Variants in TCEA1 observed in about 807,000 individuals in gnomAD.
The protein encoded by TCEA1 is transcription elongation factor A1, also known as transcription elongation factor A protein 1.
TCEA1 carries 21 observed loss-of-function variants against 43.8 expected under a neutral mutation model. The ratio of observed to expected loss-of-function variants is 0.48; its 90% CI spans 0.34 to 0.69. TCEA1 has a LOEUF of 0.69. TCEA1 is among the 30% of genes least tolerant of loss of function. The pLI is 0.01. For synonymous variants in TCEA1, 104 were observed against 117.5 expected, an observed-to-expected ratio of 0.88 and a Z score of 0.75; for missense variants, 250 against 365.1, an observed-to-expected ratio of 0.68 and a Z score of 2.57.
chr8:53,972,947 A>G (rs938473607), intron 8 of TCEA1: 3 of 661,870 alleles, frequency 4.5e-6, no homozygotes, highest in Non-Finnish European at 5.7e-6. Flanking sequence ...AACTAAATAT[A>G]TATCATATCT....
intron 8 of TCEA1, chr8:53,978,811 T>C (rs1803413909): frequency 4.6e-6 from 2 of 438,636 alleles, no homozygotes; most frequent in Non-Finnish European, 8.1e-6. Context: ...AATTTATAAA[T>C]AAAACTTATC....
intron 2 of TCEA1, among the ~76,000 whole-genome samples, chr8:54,004,634 G>A (rs73590828): frequency 1.3e-5 from 2 of 152,104 alleles, no homozygotes; most frequent in Non-Finnish European, 2.9e-5. Context: ...AGACCAGTTG[G>A]GGGGAACGGA....
intron 1 of TCEA1, among the ~76,000 whole-genome samples, chr8:54,021,112 C>G (rs1805010641): frequency 6.6e-6 from 1 of 152,150 alleles, no homozygotes; most frequent in African/African-American, 2.4e-5. Flanking sequence ...TCACTTGAAC[C>G]CGAGAGGCGG....
chr8:53,998,845 A>G (rs564920093), intron 3 of TCEA1, among the ~76,000 whole-genome samples: 39 of 152,308 alleles, frequency 2.6e-4, no homozygotes, highest in African/African-American at 8.2e-4. Context: ...CCTTGGGGGG[A>G]AAACAAAGGA....
intron 4 of TCEA1, among the ~76,000 whole-genome samples, chr8:53,988,929 C>A (rs866412020): frequency 4.6e-5 from 7 of 151,874 alleles, no homozygotes; most frequent in African/African-American, 1.7e-4. Context: ...ATTAGCTGGG[C>A]GTGGTGGCAC....
intron 1 of TCEA1, among the ~76,000 whole-genome samples, chr8:54,011,380 G>A (rs945194650): frequency 6.6e-6 from 1 of 152,192 alleles, no homozygotes; most frequent in African/African-American, 2.4e-5. Flanking sequence ...GTAGTAGTGT[G>A]CACAGCTGCT....
Position 54,000,065 on chromosome 8 carries a change from C to CA in TCEA1, c.127-16dup. 8 of 1,457,130 alleles carry CA rather than the reference C, an allele frequency of 5.5e-6. No individual in the cohort carries two copies. The highest frequency in any genetic ancestry group is 7.4e-6 in the Non-Finnish European group (8 of 1,083,598). 90.3% of individuals were successfully genotyped at this position (1,457,130 alleles called of 1,614,324 possible). A position where few individuals can be genotyped will look rare whatever the true frequency, so the allele number is the denominator to read the frequency against. ...ATTCTTGTGGACTGCAAGGCAATAACAAAAAAATTATGTATACCAATTTTA... is the reference window on the plus strand; with the variant it reads ...ATTCTTGTGGACTGCAAGGCAATAACAAAAAAAATTATGTATACCAATTTTA... On this transcript the variant is annotated splice_polypyrimidine_tract_variant and intron_variant, in intron 2 of 9. Transcript: ENST00000521604.
At position 53,981,497 on chromosome 8, in the gene TCEA1, T is replaced by C. The variant is rs1803499188; in HGVS notation, c.679-2326A>G. On this transcript the variant is annotated intron_variant, in intron 7 of 9. Coordinates refer to ENST00000521604, the MANE Select transcript of TCEA1 (RefSeq NM_006756.4). The stretch of plus-strand genomic sequence containing the variant: ...CTCTACTCTGTCTGTGTTCTATAAA[T>C]GAAACAACAAAGCCTGGATGACAGC... Among the ~76,000 whole-genome samples, 3 of 152,200 alleles carry C rather than the reference T, an allele frequency of 2.0e-5. No homozygotes were observed. In the South Asian group the frequency reaches 6.2e-4, roughly 32 times the overall value.
At chr8:53,985,101 C>T (rs565885515) in intron 6 of TCEA1, among the ~76,000 whole-genome samples, 76 of 152,224 alleles carry the variant, frequency 5.0e-4, no homozygotes, top group African/African-American at 1.8e-3. Flanking sequence ...GCAACCTCCA[C>T]CTCCCGGGTT....
At chr8:54,015,621 A>C (rs932991994) in intron 1 of TCEA1, among the ~76,000 whole-genome samples, 1 of 152,184 alleles carries the variant, frequency 6.6e-6, no homozygotes, top group Non-Finnish European at 1.5e-5. Context: ...AATATATATA[A>C]ATTCATCTTC....
intron 5 of TCEA1, 61 bp from the exon 6 acceptor site, chr8:53,987,086 C>T: frequency 1.5e-6 from 2 of 1,353,680 alleles, no homozygotes; most frequent in Non-Finnish European, 2.0e-6. Flanking sequence ...AATTCTAATA[C>T]CAGGTAATTA....
chr8:53,993,774 C>T lies in TCEA1; in HGVS notation c.233-19G>A. Reference sequence around the variant, plus strand: ...GGCCCATCTGAAAATTATGAAATCTCTTAAGTTGCTAGCATTTGTAAAAAC... The same window carrying T: ...GGCCCATCTGAAAATTATGAAATCTTTTAAGTTGCTAGCATTTGTAAAAAC... On this transcript the variant is annotated intron_variant, in intron 3 of 9. Transcript: ENST00000521604. The T allele has an allele frequency of 6.3e-7, 1 of 1,597,572 alleles. No homozygotes were observed. Among genetic ancestry groups the T allele is most frequent in the Non-Finnish European group, 8.5e-7 (1 of 1,171,322 alleles).
intron 8 of TCEA1, among the ~76,000 whole-genome samples, chr8:53,975,898 TACC>T (rs1365706498): frequency 1.3e-5 from 2 of 152,196 alleles, no homozygotes; most frequent in Admixed American, 1.3e-4. Context: ...ATATAAATTC[TACC>T]ACAACTACTT....
At position 53,993,686 on chromosome 8, in the gene TCEA1, G is replaced by C. The variant is rs755021803; in HGVS notation, c.302C>G (p.Pro101Arg). The part of the protein sequence containing the change: ...KEPAITSQNS[P>R]EAREESTSSG... ...GAAGTACCTTTCTTCTCTTGCCTCAGGGCTGTTCTGCGATGTAATTGCAGG... is the reference window on the plus strand; with the variant it reads ...GAAGTACCTTTCTTCTCTTGCCTCACGGCTGTTCTGCGATGTAATTGCAGG... Residue 101 changes from proline (P) to arginine (R), a missense_variant, in exon 4 of 10, where the codon CCT (proline) becomes CGT (arginine). By Grantham distance (103) the Pro-to-Arg change is moderately radical (BLOSUM62 -2). Transcript: ENST00000521604. 6.2e-7 allele frequency: 1 copy of C among 1,613,504 alleles called. No individual in the cohort carries two copies. The highest frequency in any genetic ancestry group is 1.7e-5 in the Admixed American group (1 of 59,970).
chr8:53,993,477 T>C (rs1006462416), intron 4 of TCEA1, 191 bp downstream of exon 4: 4 of 485,020 alleles, frequency 8.2e-6, no homozygotes, highest in Non-Finnish European at 1.4e-5. Context: ...ATTCAATGTC[T>C]TCTACCTCTC....
intron 1 of TCEA1, among the ~76,000 whole-genome samples, chr8:54,013,724 G>C (rs376505182): frequency 9.3e-6 from 1 of 106,978 alleles, no homozygotes; most frequent in Non-Finnish European, 2.1e-5. Context: ...CAAACAAAAA[G>C]AAATAACTAT....
chr8:54,008,342 A>C (rs1804542838), intron 2 of TCEA1, among the ~76,000 whole-genome samples: 1 of 151,704 alleles, frequency 6.6e-6, no homozygotes, highest in Non-Finnish European at 1.5e-5. Context: ...CAACAACAAC[A>C]ACCAGGAAAC....
At chr8:54,021,233 G>A (rs1377464751) in intron 1 of TCEA1, among the ~76,000 whole-genome samples, 4 of 152,138 alleles carry the variant, frequency 2.6e-5, no homozygotes, top group Non-Finnish European at 5.9e-5. Context: ...TGAAGCAAGG[G>A]ACTGAAAGTG....
At chr8:53,971,738 C>CA (rs1803163890) in intron 8 of TCEA1, 1 of 215,210 alleles carries the variant, frequency 4.6e-6, no homozygotes, top group African/African-American at 2.4e-5. Context: ...ATAAAGATAG[C>CA]AAAGCAATGA....
Sources: allele counts gnomAD v4.1 joint callset (sites outside exome capture counted in the v4.1 genomes callset), GRCh38; gene constraint gnomAD v4.1.1; transcripts MANE v1.5; gene names NCBI Gene and HGNC (gene_info 2026-07-23, HGNC 2026-07-21).